The following ABCG8 variants were observed in gnomAD, a reference collection of about 807,000 sequenced individuals.
ABCG8 encodes the protein ATP binding cassette subfamily G member 8.
In ABCG8, 81 loss-of-function variants were observed where a neutral mutation model predicts 71.3. The observed-to-expected ratio is 1.14, with a 90% CI of 0.95 to 1.37. The LOEUF (loss-of-function observed/expected upper bound fraction) is 1.37. Ranked by LOEUF, ABCG8 falls within the 40% of genes most tolerant of loss-of-function variation. ABCG8 has a pLI of 0.00. For synonymous variants in ABCG8, 451 were observed against 354.7 expected (o/e 1.27, Z -3.05); for missense variants, 1,119 against 866.2 (o/e 1.29, Z -3.66).
chr2:43,854,935 G>A (rs923545260), intron 6 of ABCG8, among the ~76,000 whole-genome samples: 5 of 152,180 alleles, frequency 3.3e-5, no homozygotes, highest in South Asian at 2.1e-4. Context: ...GATCAGATTG[G>A]GTCTACAGCC....
chr2:43,843,010 C>G (rs1025486802), intron 1 of ABCG8, among the ~76,000 whole-genome samples: 1 of 152,140 alleles, frequency 6.6e-6, no homozygotes, highest in Admixed American at 6.5e-5. Flanking sequence ...AAGAAGACTG[C>G]TGTATGTTAT....
intron 11 of ABCG8, 95 bp from the exon 12 acceptor site, chr2:43,877,466 G>A: frequency 6.4e-7 from 1 of 1,573,332 alleles, no homozygotes; most frequent in African/African-American, 1.4e-5. Flanking sequence ...TGGGAATATG[G>A]GGAGACTCTG....
At chr2:43,839,158 G>T (rs371514282) in intron 1 of ABCG8, 42 bp downstream of exon 1, 1 of 1,545,810 alleles carries the variant, frequency 6.5e-7, no homozygotes, top group Non-Finnish European at 8.8e-7. Context: ...TGGTGGGCGG[G>T]TAGGAGAAAT....
intron 6 of ABCG8, among the ~76,000 whole-genome samples, chr2:43,856,919 C>G (rs1669131424): frequency 6.6e-6 from 1 of 151,428 alleles, no homozygotes; most frequent in Admixed American, 6.6e-5. Context: ...AGAATTCTCA[C>G]TATCTGGATA....
At chr2:43,856,443 CATCTGGATAGAACTCTCACT>C (rs991480791) in intron 6 of ABCG8, among the ~76,000 whole-genome samples, 4 of 150,822 alleles carry the variant, frequency 2.7e-5, no homozygotes, top group East Asian at 2.0e-4. Flanking sequence ...GAATTTTCAC[CATCTGGATAGAACTCTCACT>C]ATCTGGATAG....
rs537784677 is a variant in ABCG8, at chr2:43,839,403, CTTTTTTTTTTTTTTTTTTTTTTTT to C, written c.63+305_63+328del. 5.6e-3 allele frequency among the ~76,000 whole-genome samples: 330 copies of C among 59,308 alleles called. 1 individual carries two copies. Among genetic ancestry groups the C allele is most frequent in the African/African-American group, 0.017 (299 of 17,296 alleles). The allele number at this position is 59,308 out of a possible 152,430, so 38.9% of individuals were successfully genotyped here. On this transcript the variant is annotated intron_variant, in intron 1 of 12. Transcript: ENST00000272286. ...CACTTTTTCTTTTTTCTTTTCTTCT[CTTTTTTTTTTTTTTTTTTTTTTTT>C]TTTTTTTTTTTTTTTTTGAGACGGA...
intron 10 of ABCG8, 32 bp downstream of exon 10, chr2:43,874,515 C>CCT: frequency 6.4e-7 from 1 of 1,557,962 alleles, no homozygotes; most frequent in Non-Finnish European, 8.9e-7. Context: ...CAAGTGCCCC[C>CCT]CACCCACCAG....
In ABCG8 at chr2:43,875,251, T is replaced by A. The variant is rs889608966; in HGVS notation, c.1594T>A (p.Phe532Ile). ...AGGCCTCCAGCCCTTCCTGCTGCAC[T>A]TCCTGCTGGTGTGGCTGGTGGTCTT... ...RPGLQPFLLH[F>I]LLVWLVVFCC... Residue 532 changes from phenylalanine (F) to isoleucine (I), a missense_variant, in exon 11 of 13, where the codon TTC becomes ATC. Coordinates refer to ENST00000272286, the MANE Select transcript of ABCG8 (RefSeq NM_022437.3). 3.7e-6 allele frequency: 6 copies of A among 1,614,132 alleles called. No homozygotes were observed. Among genetic ancestry groups the A allele is most frequent in the Non-Finnish European group, 4.2e-6 (5 of 1,180,054 alleles).
chr2:43,841,693 A>G (rs1053178456), intron 1 of ABCG8, among the ~76,000 whole-genome samples: 1 of 152,068 alleles, frequency 6.6e-6, no homozygotes, highest in African/African-American at 2.4e-5. Flanking sequence ...ACAAGCAACC[A>G]GGCACCTCTC....
chr2:43,852,665 C>T lies in ABCG8; in HGVS notation c.761C>T (p.Thr254Ile), dbSNP rs1203585642. ...DSFTAHNLVK[T>I]LSRLAKGNRL... ...TTCACAGCCCACAACCTGGTGAAGA[C>T]CTTGTCCAGGCTGGCCAAAGGCAAC... Residue 254 changes from threonine to isoleucine, a missense_variant, in exon 6 of 13, where the codon ACC becomes ATC. Physicochemically the swap from Thr to Ile is moderately conservative, Grantham distance 89. Coordinates refer to ENST00000272286, the MANE Select transcript of ABCG8 (RefSeq NM_022437.3). The T allele has an allele frequency of 1.2e-6, 2 of 1,614,060 alleles. No individual in the cohort carries two copies. Among genetic ancestry groups the T allele is most frequent in the Admixed American group, 3.3e-5 (2 of 59,974 alleles).
chr2:43,869,263 G>A (rs6544717), intron 6 of ABCG8, among the ~76,000 whole-genome samples: 124,097 of 151,728 alleles, frequency 0.82, 51,417 homozygotes, highest in East Asian at 0.99. Flanking sequence ...CACCATGTGG[G>A]TGGAACTCTC....
At chr2:43,853,436 G>A (rs1668995144) in intron 6 of ABCG8, among the ~76,000 whole-genome samples, 1 of 152,202 alleles carries the variant, frequency 6.6e-6, no homozygotes, top group Non-Finnish European at 1.5e-5. Flanking sequence ...GGGGACAGTT[G>A]CCTTCCCAGG....
At chr2:43,850,826 C>T (rs1317404756) in intron 3 of ABCG8, among the ~76,000 whole-genome samples, 1 of 151,080 alleles carries the variant, frequency 6.6e-6, no homozygotes, top group Non-Finnish European at 1.5e-5. Flanking sequence ...GGGAGAATTG[C>T]TTGAACTCGG....
intron 10 of ABCG8, among the ~76,000 whole-genome samples, chr2:43,874,852 G>C (rs906186760): frequency 1.3e-5 from 2 of 152,194 alleles, no homozygotes; most frequent in African/African-American, 4.8e-5. Flanking sequence ...AGGCCACACA[G>C]CTACTTGATC....
chr2:43,857,348 C>T (rs986140325), intron 6 of ABCG8, among the ~76,000 whole-genome samples: 3 of 151,094 alleles, frequency 2.0e-5, no homozygotes, highest in African/African-American at 7.3e-5. Context: ...AGAACTCTCT[C>T]GTATTCCTCG....
At chr2:43,846,050 C>A (rs983247943) in intron 2 of ABCG8, 105 bp from the exon 3 acceptor site, 75 of 1,232,022 alleles carry the variant, frequency 6.1e-5, no homozygotes, top group African/African-American at 8.9e-5. Context: ...AGGACATATC[C>A]TCTGTGGAGA....
In ABCG8 at chr2:43,882,552, C is replaced by A. The variant is rs1670160152; in HGVS notation, c.*4639C>A. ...CTCACACCTGAGAGACAACAGACAT[C>A]CTTATTTGTGAATAGTCTGCACTAG... On this transcript the variant is annotated 3_prime_UTR_variant, in exon 13 of 13. Coordinates refer to ENST00000272286, the MANE Select transcript of ABCG8 (RefSeq NM_022437.3). 6.6e-6 allele frequency: 1 copy of A among 152,228 alleles called. No homozygotes were observed. The highest frequency in any genetic ancestry group is 1.5e-5 in the Non-Finnish European group (1 of 68,048). 9.4% of individuals were successfully genotyped at this position (152,228 alleles called of 1,614,324 possible).
In ABCG8 at chr2:43,877,546, G is replaced by T. The variant is rs776779802; in HGVS notation, c.1757-15G>T. The T allele has an allele frequency of 6.2e-7, 1 of 1,613,378 alleles. No individual in the cohort carries two copies. The highest frequency in any genetic ancestry group is 1.3e-5 in the African/African-American group (1 of 74,862). On this transcript the variant is annotated splice_polypyrimidine_tract_variant and intron_variant, in intron 11 of 12. Transcript: ENST00000272286. ...ATGAGGGACACCTGTGAGTAACGCG[G>T]CTGTCTGTCTCCAGTGCCCGCGTGG... is the stretch of plus-strand genomic sequence containing the variant.
rs1670131707 is a variant in ABCG8, at chr2:43,881,562, A to T, written c.*3649A>T. The T allele has an allele frequency of 6.6e-6, 1 of 152,254 alleles. No individual in the cohort carries two copies. The highest frequency in any genetic ancestry group is 1.5e-5 in the Non-Finnish European group (1 of 68,076). 9.4% of individuals were successfully genotyped at this position (152,254 alleles called of 1,614,324 possible). A position where few individuals can be genotyped will look rare whatever the true frequency, so the allele number is the denominator to read the frequency against. The stretch of plus-strand genomic sequence containing the variant: ...TGCCTCTACTAAAAATACAAAAATT[A>T]GCTGGGCATGGTAGTGCGTGCCTGT... On this transcript the variant is annotated 3_prime_UTR_variant, in exon 13 of 13. Transcript: ENST00000272286.
Sources: gnomAD v4.1 joint callset for allele counts (sites outside exome capture counted in the v4.1 genomes callset) on GRCh38, gnomAD v4.1.1 for gene constraint, MANE v1.5 for transcripts, NCBI Gene and HGNC (gene_info 2026-07-23, HGNC 2026-07-21) for gene names.